TBC1D5: variants seen among roughly 807,000 people sequenced by gnomAD.
The protein encoded by TBC1D5 is TBC1 domain family, member 5.
TBC1D5 carries 75 observed loss-of-function variants against 100.3 expected under a neutral mutation model. The ratio of observed to expected loss-of-function variants is 0.75; its 90% CI spans 0.62 to 0.91. The LOEUF is 0.91. Ranked by LOEUF, TBC1D5 falls within the 40% of genes least tolerant of loss-of-function variation. The probability of loss-of-function intolerance (pLI) is 0.00; values close to 1 mark genes in which losing one functional copy is unlikely to be tolerated. For missense variants in TBC1D5, 910 were observed against 942.4 expected, an observed-to-expected ratio of 0.97 and a Z score of 0.45; for synonymous variants, 323 against 325.6, an observed-to-expected ratio of 0.99 and a Z score of 0.09.
At chr3:17,262,275 G>C (rs2078379062) in intron 15 of TBC1D5, among the ~76,000 whole-genome samples, 1 of 152,098 alleles carries the variant, frequency 6.6e-6, no homozygotes, top group Non-Finnish European at 1.5e-5. Flanking sequence ...ACAGTAGACA[G>C]GTACAACACA....
At chr3:17,303,113 C>T (rs1398774239) in intron 14 of TBC1D5, among the ~76,000 whole-genome samples, 2 of 152,180 alleles carry the variant, frequency 1.3e-5, no homozygotes, top group Non-Finnish European at 2.9e-5. Flanking sequence ...TTTCTTTCTG[C>T]TGCTCCCCTC....
At chr3:17,712,518 G>A (rs1049352098) in intron 1 of TBC1D5, among the ~76,000 whole-genome samples, 4 of 152,098 alleles carry the variant, frequency 2.6e-5, no homozygotes, top group African/African-American at 9.7e-5. Context: ...AAGCCTTACA[G>A]AATCAAACTT....
chr3:17,372,219 G>A (rs759895876), exon 13 of TBC1D5: 2 of 1,611,452 alleles, frequency 1.2e-6, no homozygotes, highest in South Asian at 2.2e-5. Context: ...TCTAGCAAAG[G>A]GAATGGGAGT....
intron 2 of TBC1D5, among the ~76,000 whole-genome samples, chr3:17,614,665 C>G (rs2061986082): frequency 6.6e-6 from 1 of 152,154 alleles, no homozygotes; most frequent in Admixed American, 6.5e-5. Context: ...AATGGGAGTT[C>G]ACTCATGATT....
chr3:17,363,208 T>C (rs1387792053), intron 13 of TBC1D5, among the ~76,000 whole-genome samples: 2 of 152,160 alleles, frequency 1.3e-5, no homozygotes, highest in African/African-American at 2.4e-5. Flanking sequence ...TATTTCTCAT[T>C]TCATGTCATA....
rs369351315 is a variant in TBC1D5 at position 17,215,682 on chromosome 3, G to C, written c.1589-1312C>G. Among the ~76,000 whole-genome samples the C allele has an allele frequency of 5.3e-5, 8 of 152,214 alleles. No homozygotes were observed. In the South Asian group the frequency reaches 8.3e-4, roughly 16 times the overall value. ...ATGGAGAAGGGATAGAGAGAAAAAG[G>C]ATTTAGGACCACAGATTGGCCCCTT... On this transcript the variant is annotated intron_variant, in intron 17 of 21. Coordinates refer to ENST00000253692, the Ensembl canonical transcript of TBC1D5.
chr3:17,251,109 T>A, intron 16 of TBC1D5, among the ~76,000 whole-genome samples: 1 of 152,206 alleles, frequency 6.6e-6, no homozygotes, highest in East Asian at 1.9e-4. Flanking sequence ...ACAAGCTTGA[T>A]AATCTTACCA....
At chr3:17,602,115 G>A (rs567956263) in intron 2 of TBC1D5, among the ~76,000 whole-genome samples, 1 of 152,344 alleles carries the variant, frequency 6.6e-6, no homozygotes, top group East Asian at 1.9e-4. Flanking sequence ...ACAGGCGTAA[G>A]CCATTGCGCC....
At chr3:17,368,731 T>C (rs2092309973) in intron 13 of TBC1D5, among the ~76,000 whole-genome samples, 1 of 151,852 alleles carries the variant, frequency 6.6e-6, no homozygotes, top group South Asian at 2.1e-4. Flanking sequence ...ATAATTTTCT[T>C]GAAACATTTT....
chr3:17,508,637 T>A, intron 2 of TBC1D5, 32 bp from the exon 3 acceptor site: 1 of 1,091,838 alleles, frequency 9.2e-7, no homozygotes, highest in Non-Finnish European at 1.4e-6. Context: ...AGAAAAATAA[T>A]AAATTCTTTT....
intron 15 of TBC1D5, among the ~76,000 whole-genome samples, chr3:17,269,658 CTTCT>C (rs1367975943): frequency 1.3e-5 from 2 of 151,746 alleles, no homozygotes; most frequent in Non-Finnish European, 2.9e-5. Flanking sequence ...TCCCTCCCTC[CTTCT>C]GGAGTCTCTA....
At chr3:17,324,137 T>C (rs768990347) in intron 13 of TBC1D5, among the ~76,000 whole-genome samples, 20 of 152,200 alleles carry the variant, frequency 1.3e-4, no homozygotes, top group Non-Finnish European at 2.1e-4. Flanking sequence ...ATGAACCTCG[T>C]ACTTATATTT....
chr3:17,378,662 T>C (rs1368434497), intron 9 of TBC1D5, among the ~76,000 whole-genome samples: 1 of 151,828 alleles, frequency 6.6e-6, no homozygotes, highest in Admixed American at 6.6e-5. Context: ...CATACTGACA[T>C]TATACACTTT....
At chr3:17,230,266 C>T (rs2733505) in intron 17 of TBC1D5, among the ~76,000 whole-genome samples, 60,579 of 151,784 alleles carry the variant, frequency 0.4, 12,749 homozygotes, top group Middle Eastern at 0.49. Flanking sequence ...TTTTCATTTA[C>T]ACTGGGACAT....
exon 22 of TBC1D5, chr3:17,160,878 G>T: frequency 6.8e-7 from 1 of 1,474,178 alleles, no homozygotes; most frequent in South Asian, 1.4e-5. Flanking sequence ...GGTTTAAGAA[G>T]GTTCTCCACT....
chr3:17,157,246 T>C lies in TBC1D5; in HGVS notation c.*3717A>G, dbSNP rs527980634. The C allele has an allele frequency of 4.6e-5, 7 of 152,318 alleles. No homozygotes were observed. In the East Asian group the frequency reaches 9.6e-4, roughly 21 times the overall value. 9.4% of individuals were successfully genotyped at this position (152,318 alleles called of 1,614,324 possible). A position where few individuals can be genotyped will look rare whatever the true frequency, so the allele number is the denominator to read the frequency against. Reference sequence around the variant, plus strand: ...GGAGAAATCATTTCTTAAATCAGTATGAGTTATAGCATAAAGATGGATGAG... The same window carrying C: ...GGAGAAATCATTTCTTAAATCAGTACGAGTTATAGCATAAAGATGGATGAG... On this transcript the variant is annotated 3_prime_UTR_variant, in exon 22 of 22. Coordinates refer to ENST00000253692, the Ensembl canonical transcript of TBC1D5.
chr3:17,655,631 C>G lies in TBC1D5; in HGVS notation c.-100-31718G>C, dbSNP rs186236064. Among the ~76,000 whole-genome samples the G allele has an allele frequency of 2.8e-4, 43 of 152,046 alleles. 1 individual carries two copies. In the East Asian group the frequency reaches 8.1e-3, roughly 29 times the overall value. On this transcript the variant is annotated intron_variant, in intron 1 of 21. Coordinates refer to ENST00000253692, the Ensembl canonical transcript of TBC1D5. Reference sequence around the variant, plus strand: ...TTAAACCTGCAATAGGTTGAGGATCCCTAATCCGAAAATCTGAAATACTAC... The same window carrying G: ...TTAAACCTGCAATAGGTTGAGGATCGCTAATCCGAAAATCTGAAATACTAC...
chr3:17,342,488 T>G (rs1039294694), intron 13 of TBC1D5, among the ~76,000 whole-genome samples: 3 of 152,236 alleles, frequency 2.0e-5, no homozygotes, highest in African/African-American at 7.2e-5. Flanking sequence ...TTCTAGTTAG[T>G]ACAGTATGTA....
chr3:17,440,000 A>C (rs531202910), intron 3 of TBC1D5, among the ~76,000 whole-genome samples: 1 of 152,260 alleles, frequency 6.6e-6, no homozygotes, highest in South Asian at 2.1e-4. Context: ...TTCTTCCAGC[A>C]TTTTTCAGTT....
Sources: allele counts gnomAD v4.1 joint callset (sites outside exome capture counted in the v4.1 genomes callset), GRCh38; gene constraint gnomAD v4.1.1; transcripts MANE v1.5; gene names NCBI Gene and HGNC (gene_info 2026-07-23, HGNC 2026-07-21).